CFAP221: variants seen among roughly 807,000 people sequenced by gnomAD.
CFAP221 encodes cilia and flagella associated protein 221.
A neutral mutation model predicts 113.1 loss-of-function variants in CFAP221; 97 were observed. That is an observed-to-expected ratio of 0.86 (90% CI 0.73 to 1.02). The LOEUF is 1.02. CFAP221 is among the 50% of genes least tolerant of loss of function. CFAP221 has a pLI of 0.00. For missense variants in CFAP221, 1,025 were observed against 1,013.4 expected (o/e 1.01, Z -0.16); for synonymous variants, 331 against 354.4 (o/e 0.93, Z 0.74).
chr2:119,649,293 A>G (rs193177642), intron 22 of CFAP221, among the ~76,000 whole-genome samples: 23 of 152,332 alleles, frequency 1.5e-4, no homozygotes, highest in African/African-American at 5.3e-4. Flanking sequence ...ACTTATGATG[A>G]GGTTCTATCC....
At position 119,605,281 on chromosome 2, in the gene CFAP221, T is replaced by C; in HGVS notation, c.1125T>C (p.His375=). 6.2e-7 allele frequency: 1 copy of C among 1,609,974 alleles called. No homozygotes were observed. Among genetic ancestry groups the C allele is most frequent in the Non-Finnish European group, 8.5e-7 (1 of 1,176,280 alleles). ...RQDIHEEMEN[H]LKWQVHLGKD... ...ACATTCACGAAGAGATGGAAAATCA[T>C]CTTAAGTGGTAAATATTGAGCAATT... Residue 375 remains histidine, a synonymous_variant, in exon 11 of 24, where the codon CAT becomes CAC. Coordinates refer to ENST00000413369, the MANE Select transcript of CFAP221 (RefSeq NM_001271049.2).
chr2:119,565,395 C>A (rs952343422), intron 6 of CFAP221, among the ~76,000 whole-genome samples: 1 of 152,152 alleles, frequency 6.6e-6, no homozygotes, highest in African/African-American at 2.4e-5. Context: ...TTATTTTCTT[C>A]TTTTTTCCCC....
intron 19 of CFAP221, among the ~76,000 whole-genome samples, chr2:119,633,183 A>T (rs1448253698): frequency 6.6e-6 from 1 of 152,072 alleles, no homozygotes; most frequent in African/African-American, 2.4e-5. Context: ...AAAAATTTCA[A>T]TTAGTACCTC....
At chr2:119,627,861 A>G (rs921411041) in intron 16 of CFAP221, 75 bp downstream of exon 16, 1 of 1,570,716 alleles carries the variant, frequency 6.4e-7, no homozygotes, top group Non-Finnish European at 8.7e-7. Context: ...GGCAAGCCCT[A>G]CCTCAGTCTC....
intron 14 of CFAP221, among the ~76,000 whole-genome samples, chr2:119,618,011 C>A (rs1029268477): frequency 6.6e-6 from 1 of 152,206 alleles, no homozygotes; most frequent in Non-Finnish European, 1.5e-5. Context: ...TCTGCAGAGG[C>A]CTTCCCTCAT....
intron 14 of CFAP221, among the ~76,000 whole-genome samples, chr2:119,621,258 G>A (rs950627238): frequency 1.3e-4 from 19 of 151,208 alleles, no homozygotes; most frequent in African/African-American, 4.6e-4. Context: ...GCAATCCTAG[G>A]CTCTGATAAA....
chr2:119,564,899 G>T (rs1457297961), intron 6 of CFAP221, among the ~76,000 whole-genome samples: 4 of 152,118 alleles, frequency 2.6e-5, no homozygotes, highest in African/African-American at 4.8e-5. Context: ...CTTCTCCAGG[G>T]TATATACCTA....
chr2:119,596,228 T>A (rs527457123), intron 7 of CFAP221, among the ~76,000 whole-genome samples: 17 of 151,930 alleles, frequency 1.1e-4, no homozygotes, highest in Non-Finnish European at 2.2e-4. Flanking sequence ...CTCGGATGGG[T>A]GGTGACCTTG....
intron 21 of CFAP221, among the ~76,000 whole-genome samples, chr2:119,641,765 T>G (rs1687504707): frequency 6.6e-6 from 1 of 152,154 alleles, no homozygotes; most frequent in South Asian, 2.1e-4. Context: ...ATGGCGATAG[T>G]CCGTCACCAC....
chr2:119,599,267 T>G (rs1437724238), intron 7 of CFAP221, among the ~76,000 whole-genome samples: 1 of 152,140 alleles, frequency 6.6e-6, no homozygotes, highest in Admixed American at 6.6e-5. Flanking sequence ...GATACCTAGT[T>G]GGGAGACAGG....
chr2:119,561,912 T>C lies in CFAP221; in HGVS notation c.427-102T>C. ...GCGCTGAAGTTTCTTAAGGAAATAT[T>C]TTTTAACGATGGAAACAAGATAAGA... On this transcript the variant is annotated intron_variant, in intron 5 of 23. Transcript: ENST00000413369. 3 of 815,134 alleles carry C rather than the reference T, an allele frequency of 3.7e-6. No homozygotes were observed. In the Admixed American group the frequency reaches 8.7e-5, roughly 24 times the overall value. 50.5% of individuals were successfully genotyped at this position (815,134 alleles called of 1,614,324 possible).
chr2:119,658,710 G>A (rs950435189), downstream of CFAP221, among the ~76,000 whole-genome samples: 1 of 152,060 alleles, frequency 6.6e-6, no homozygotes, highest in Non-Finnish European at 1.5e-5. Context: ...GCCAGGCGTG[G>A]TGGCTCACGC....
chr2:119,564,490 C>G (rs1171582890), intron 6 of CFAP221, among the ~76,000 whole-genome samples: 1 of 152,032 alleles, frequency 6.6e-6, no homozygotes, highest in African/African-American at 2.4e-5. Context: ...TGACCATTAC[C>G]TTTGCAATCA....
intron 21 of CFAP221, among the ~76,000 whole-genome samples, chr2:119,640,553 T>G (rs1284104876): frequency 6.6e-6 from 1 of 152,218 alleles, no homozygotes; most frequent in African/African-American, 2.4e-5. Context: ...TGAATTCGCT[T>G]CTTCAGTTCA....
intron 6 of CFAP221, among the ~76,000 whole-genome samples, chr2:119,586,297 C>T (rs1683217581): frequency 1.3e-5 from 2 of 152,244 alleles, no homozygotes; most frequent in East Asian, 3.9e-4. Context: ...CAGCACTGCA[C>T]AGGATGTAGA....
chr2:119,609,350 A>G (rs1684992056), intron 12 of CFAP221, among the ~76,000 whole-genome samples: 1 of 152,236 alleles, frequency 6.6e-6, no homozygotes, highest in Admixed American at 6.5e-5. Flanking sequence ...GACTGCCATA[A>G]CAAAGTACCA....
intron 13 of CFAP221, among the ~76,000 whole-genome samples, chr2:119,612,418 G>T (rs1354572587): frequency 1.3e-5 from 2 of 152,228 alleles, no homozygotes; most frequent in Non-Finnish European, 2.9e-5. Context: ...TGGCAGGAAT[G>T]AGAAGAATGA....
At chr2:119,560,560 G>A (rs1021158676) in intron 5 of CFAP221, among the ~76,000 whole-genome samples, 3 of 152,042 alleles carry the variant, frequency 2.0e-5, no homozygotes, top group South Asian at 2.1e-4. Context: ...CAGAGCTGCC[G>A]TCATTCCTTC....
chr2:119,571,703 C>T (rs1188259512), intron 6 of CFAP221, among the ~76,000 whole-genome samples: 2 of 152,182 alleles, frequency 1.3e-5, no homozygotes, highest in Non-Finnish European at 1.5e-5. Flanking sequence ...AGAGATCCAC[C>T]TGTCTTGGCC....
Sources: gnomAD v4.1 joint callset for allele counts (sites outside exome capture counted in the v4.1 genomes callset) on GRCh38, gnomAD v4.1.1 for gene constraint, MANE v1.5 for transcripts, NCBI Gene and HGNC (gene_info 2026-07-23, HGNC 2026-07-21) for gene names.